The following RANBP3 variants were observed in gnomAD, a reference collection of about 807,000 sequenced individuals.
RANBP3 encodes the protein RAN binding protein 3, also known as ran-binding protein 3.
A neutral mutation model predicts 77.3 loss-of-function variants in RANBP3; 14 were observed. That is an observed-to-expected ratio of 0.18 (90% CI 0.12 to 0.28). The LOEUF is 0.28. Among genes scored for constraint, RANBP3 ranks in the 10% least tolerant of loss-of-function variants. The pLI, the probability that RANBP3 is intolerant of heterozygous loss-of-function variation, is 1.00. For synonymous variants in RANBP3, 315 were observed against 312.4 expected (o/e 1.01, Z -0.09); for missense variants, 586 against 752.3 (o/e 0.78, Z 2.59).
chr19:5,951,374 C>G lies in RANBP3; in HGVS notation c.282+19G>C. 1.3e-6 allele frequency: 2 copies of G among 1,547,374 alleles called. No individual in the cohort carries two copies. The highest frequency in any genetic ancestry group is 1.7e-6 in the Non-Finnish European group (2 of 1,144,382). The stretch of plus-strand genomic sequence containing the variant: ...GGCTCCCCCTGGGCGGTAGGAGTGC[C>G]GGGTAGGTGTGGACTTACCCCTGCC... On this transcript the variant is annotated intron_variant, in intron 3 of 16. Coordinates refer to ENST00000340578, the MANE Select transcript of RANBP3 (RefSeq NM_007322.3).
intron 3 of RANBP3, among the ~76,000 whole-genome samples, chr19:5,949,816 C>A (rs1390459937): frequency 6.6e-6 from 1 of 152,196 alleles, no homozygotes; most frequent in Non-Finnish European, 1.5e-5. Context: ...TCCAGACACT[C>A]CAACATGGGC....
Position 5,948,811 on chromosome 19 carries a change from A to G in RANBP3, c.282+2582T>C, listed in dbSNP as rs568033477. Among the ~76,000 whole-genome samples the G allele has an allele frequency of 2.6e-5, 4 of 152,218 alleles. No homozygotes were observed. In the East Asian group the frequency reaches 7.7e-4, roughly 29 times the overall value. On this transcript the variant is annotated intron_variant, in intron 3 of 16. Coordinates refer to ENST00000340578, the MANE Select transcript of RANBP3 (RefSeq NM_007322.3). ...TGGTGGGTCTAATAAACATATCTGA[A>G]GCTCGGCAGGTCCTTGGCAGGGAGC... is the stretch of plus-strand genomic sequence containing the variant.
intron 5 of RANBP3, among the ~76,000 whole-genome samples, chr19:5,938,415 C>T (rs1371054590): frequency 6.6e-6 from 1 of 152,146 alleles, no homozygotes; most frequent in East Asian, 1.9e-4. Context: ...GGGGGCCAGA[C>T]GTGGTGGCTC....
At chr19:5,922,543 C>T (rs539119621) in intron 13 of RANBP3, among the ~76,000 whole-genome samples, 4 of 152,330 alleles carry the variant, frequency 2.6e-5, no homozygotes, top group African/African-American at 7.2e-5. Flanking sequence ...CTTTTCCCTA[C>T]GAAGACACCA....
At chr19:5,946,145 T>C (rs2058201645) in intron 3 of RANBP3, among the ~76,000 whole-genome samples, 1 of 152,082 alleles carries the variant, frequency 6.6e-6, no homozygotes, top group Non-Finnish European at 1.5e-5. Context: ...ACCTCTAGGG[T>C]AAGTTCATGC....
At chr19:5,966,755 C>T (rs117416847) in intron 1 of RANBP3, among the ~76,000 whole-genome samples, 345 of 152,336 alleles carry the variant, frequency 2.3e-3, no homozygotes, top group Non-Finnish European at 3.7e-3. Context: ...TGTTTATTCG[C>T]CTCCTGACTG....
intron 5 of RANBP3, chr19:5,934,463 TAAGAA>T (rs1307830821): frequency 1.3e-5 from 2 of 152,214 alleles, no homozygotes; most frequent in Non-Finnish European, 2.9e-5. Context: ...AAAGCAAAAT[TAAGAA>T]AATAATTCCA....
intron 8 of RANBP3, 131 bp from the exon 9 acceptor site, chr19:5,928,218 C>T: frequency 9.0e-7 from 1 of 1,114,602 alleles, no homozygotes; most frequent in Non-Finnish European, 1.3e-6. Context: ...CTCCCAGCTA[C>T]TCAGAAGGCT....
At chr19:5,937,372 C>T (rs2058080855) in intron 5 of RANBP3, among the ~76,000 whole-genome samples, 1 of 152,168 alleles carries the variant, frequency 6.6e-6, no homozygotes, top group Non-Finnish European at 1.5e-5. Context: ...CTGGGTCTCA[C>T]CACCAGGACA....
At chr19:5,926,493 G>T (rs919805534) in intron 9 of RANBP3, among the ~76,000 whole-genome samples, 1 of 152,216 alleles carries the variant, frequency 6.6e-6, no homozygotes, top group African/African-American at 2.4e-5. Flanking sequence ...GGAGGTTGCA[G>T]TGAGCAGAGA....
intron 3 of RANBP3, among the ~76,000 whole-genome samples, chr19:5,948,400 C>T (rs1374046998): frequency 1.3e-5 from 2 of 149,802 alleles, no homozygotes; most frequent in African/African-American, 4.9e-5. Flanking sequence ...TTGCAGTGAG[C>T]AGAGATCGGG....
In RANBP3 at chr19:5,933,463, G is replaced by C. The variant is rs1160741945; in HGVS notation, c.423C>G (p.Gly141=). Reference sequence around the variant, plus strand: ...TCAGCGTTGGTGGCTTCAACCGGAAGCCACTGCTCCTTTCCTCTAAAAGCA... The same window carrying C: ...TCAGCGTTGGTGGCTTCAACCGGAACCCACTGCTCCTTTCCTCTAAAAGCA... ...PPSQSEERSS[G]FRLKPPTLIH... The change falls in exon 6 of 17, where the codon GGC becomes GGG. Residue 141 remains glycine, a synonymous_variant. Transcript: ENST00000340578. 6.2e-7 allele frequency: 1 copy of C among 1,613,330 alleles called. No individual in the cohort carries two copies. The highest frequency in any genetic ancestry group is 1.3e-5 in the African/African-American group (1 of 74,926).
chr19:5,938,244 T>G (rs2058091115), intron 5 of RANBP3, among the ~76,000 whole-genome samples: 1 of 152,188 alleles, frequency 6.6e-6, no homozygotes. Context: ...GTTACAGAAT[T>G]CAGGTTGTTA....
intron 1 of RANBP3, among the ~76,000 whole-genome samples, chr19:5,964,378 T>C (rs138998027): frequency 0.013 from 1,925 of 152,296 alleles, 18 homozygotes; most frequent in South Asian, 0.022. Context: ...TCCCACCTAG[T>C]TGAGCCTGGG....
intron 3 of RANBP3, among the ~76,000 whole-genome samples, chr19:5,942,082 G>A (rs913352496): frequency 2.6e-5 from 4 of 152,102 alleles, no homozygotes; most frequent in African/African-American, 9.7e-5. Flanking sequence ...GCAGCACCCA[G>A]ATCAGTTTCT....
chr19:5,946,639 C>T (rs929339319), intron 3 of RANBP3, among the ~76,000 whole-genome samples: 8 of 152,192 alleles, frequency 5.3e-5, no homozygotes, highest in East Asian at 3.9e-4. Context: ...CCGCTGGCCA[C>T]GTGAGGTGCC....
chr19:5,969,299 C>T (rs1047104361), intron 1 of RANBP3, among the ~76,000 whole-genome samples: 7 of 152,190 alleles, frequency 4.6e-5, no homozygotes, highest in Admixed American at 1.3e-4. Context: ...TGCCTGTTTT[C>T]TCACCCTCTC....
At chr19:5,974,773 G>A (rs1159111542) in intron 1 of RANBP3, among the ~76,000 whole-genome samples, 1 of 152,128 alleles carries the variant, frequency 6.6e-6, no homozygotes, top group Non-Finnish European at 1.5e-5. Flanking sequence ...CTGTACAGAG[G>A]CCCAGAACCC....
rs772354150 is a variant in RANBP3, at chr19:5,958,465, T to C, written c.23-492A>G. On this transcript the variant is annotated intron_variant, in intron 1 of 16. Coordinates refer to ENST00000340578, the MANE Select transcript of RANBP3 (RefSeq NM_007322.3). The surrounding 1 kb of genome is among the most constrained non-coding windows in gnomAD (Gnocchi z 4.4). ...CTAACGCTCAACCTGGATCTCTAAG[T>C]GAGTGCTGGTTGGGAGGAAAGGATG... is the stretch of plus-strand genomic sequence containing the variant. Among the ~76,000 whole-genome samples, 35 of 152,224 alleles carry C rather than the reference T, an allele frequency of 2.3e-4. No homozygotes were observed. The highest frequency in any genetic ancestry group is 4.3e-4 in the Non-Finnish European group (29 of 68,032).
Sources: allele counts gnomAD v4.1 joint callset (sites outside exome capture counted in the v4.1 genomes callset), GRCh38; gene constraint gnomAD v4.1.1; non-coding constraint Gnocchi (gnomAD v3.1); transcripts MANE v1.5; gene names NCBI Gene and HGNC (gene_info 2026-07-23, HGNC 2026-07-21).